Variants in HYI observed in about 807,000 individuals in gnomAD.
The protein encoded by HYI is hydroxypyruvate isomerase (putative), also known as putative hydroxypyruvate isomerase.
HYI carries 47 observed loss-of-function variants against 39.7 expected under a neutral mutation model. The ratio of observed to expected loss-of-function variants is 1.18; its 90% CI spans 0.94 to 1.51. The LOEUF is 1.51. HYI is among the 40% of genes most tolerant of loss of function. The pLI is 0.00. For missense variants in HYI, 465 were observed against 370.3 expected, an observed-to-expected ratio of 1.26 and a Z score of -2.10; for synonymous variants, 186 against 158.8, an observed-to-expected ratio of 1.17 and a Z score of -1.29.
chr1:43,452,344 C>A, intron 2 of HYI, 25 bp from the exon 3 acceptor site: 2 of 1,546,060 alleles, frequency 1.3e-6, no homozygotes, highest in African/African-American at 1.4e-5. Flanking sequence ...GACTGGAGGC[C>A]TTGCCTCCCT....
chr1:43,451,916 G>A lies in HYI; in HGVS notation c.505+19C>T. 6.2e-7 allele frequency: 1 copy of A among 1,613,198 alleles called. No individual in the cohort carries two copies. The highest frequency in any genetic ancestry group is 8.5e-7 in the Non-Finnish European group (1 of 1,179,248). On this transcript the variant is annotated intron_variant, in intron 4 of 7. Transcript: ENST00000372430. ...AGGAATCAAAAGGGACAGAAGGAGA[G>A]ACAGGGCTGGGGTCGTACCCTGCTG...
rs547472975 is a variant in HYI at position 43,453,713 on chromosome 1, C to T, written c.81G>A (p.Ala27=). Residue 27 remains alanine, a synonymous_variant, in exon 1 of 8, where the codon GCG becomes GCA. Transcript: ENST00000372430. ...CGACGGCCTCGAAGCCCGAGCTGCC[C>T]GCGGCCCGCACCCGCGCGGGGAGGC... ...LSGLPARVRA[A]GSSGFEAVEV... The T allele has an allele frequency of 3.2e-5, 45 of 1,406,958 alleles. No homozygotes were observed. Among genetic ancestry groups the T allele is most frequent in the Non-Finnish European group, 4.1e-5 (45 of 1,090,962 alleles). The allele number at this position is 1,406,958 out of a possible 1,614,324, so 87.2% of individuals were successfully genotyped here. A position where few individuals can be genotyped will look rare whatever the true frequency, so the allele number is the denominator to read the frequency against.
chr1:43,452,502 C>T, intron 2 of HYI, 183 bp from the exon 3 acceptor site: 2 of 686,922 alleles, frequency 2.9e-6, no homozygotes, highest in Non-Finnish European at 5.4e-6. Flanking sequence ...GGGGCAAGCC[C>T]TTTCCCAGAC....
Position 43,453,722 on chromosome 1 carries a change from C to G in HYI, c.72G>C (p.Val24=). The change falls in exon 1 of 8, where the codon GTG becomes GTC. Residue 24 remains valine (V), a synonymous_variant. Transcript: ENST00000372430. ...FPELSGLPAR[V]RAAGSSGFEA... ...CGAAGCCCGAGCTGCCCGCGGCCCG[C>G]ACCCGCGCGGGGAGGCCGGAGAGCT... The G allele has an allele frequency of 7.2e-7, 1 of 1,392,648 alleles. No homozygotes were observed. The highest frequency in any genetic ancestry group is 3.7e-5 in the Admixed American group (1 of 26,992). 86.3% of individuals were successfully genotyped at this position (1,392,648 alleles called of 1,614,324 possible).
At position 43,452,032 on chromosome 1, in the gene HYI, C is replaced by A; in HGVS notation, c.427-19G>T. The A allele has an allele frequency of 6.3e-7, 1 of 1,594,824 alleles. No individual in the cohort carries two copies. The highest frequency in any genetic ancestry group is 8.6e-7 in the Non-Finnish European group (1 of 1,168,262). ...GGTCCTCCTAGCAGCATGTCGGGTG[C>A]TGTGAATAGAGCTCCTTCCCAAGTT... On this transcript the variant is annotated intron_variant, in intron 3 of 7. Transcript: ENST00000372430.
intron 3 of HYI, 88 bp downstream of exon 3, chr1:43,452,117 C>T: frequency 1.3e-6 from 2 of 1,493,076 alleles, no homozygotes; most frequent in Non-Finnish European, 1.9e-6. Flanking sequence ...CCTAGGCTGG[C>T]AGCCTCACGT....
At chr1:43,452,895 C>G (rs1279519984) in intron 2 of HYI, 5 of 1,594,858 alleles carry the variant, frequency 3.1e-6, no homozygotes, top group Non-Finnish European at 4.3e-6. Flanking sequence ...TCCCAACAGG[C>G]TACATACATG....
In HYI at chr1:43,451,059, A is replaced by G. The variant is rs763446359; in HGVS notation, c.*179T>C. The G allele has an allele frequency of 1.4e-5, 11 of 795,102 alleles. No individual in the cohort carries two copies. Among genetic ancestry groups the G allele is most frequent in the Admixed American group, 8.6e-5 (5 of 58,254 alleles). 49.3% of individuals were successfully genotyped at this position (795,102 alleles called of 1,614,324 possible). On this transcript the variant is annotated 3_prime_UTR_variant, in exon 8 of 8. Transcript: ENST00000372430. ...CAGAAGCTCTCCCATCTTCACAGCA[A>G]CCCTGGCACTGGCTTCTCAATGGGA...
intron 2 of HYI, chr1:43,452,881 C>G: frequency 6.3e-7 from 1 of 1,582,762 alleles, no homozygotes; most frequent in South Asian, 1.2e-5. Flanking sequence ...TCCAGGCCTC[C>G]CCATCCCAAC....
downstream of HYI, chr1:43,450,722 G>A (rs41270367): frequency 0.033 from 23,383 of 706,078 alleles, 501 homozygotes; most frequent in African/African-American, 0.074. This position sits in a 1 kb window ranked among gnomAD's most constrained non-coding sequence, Gnocchi z 4.3. Flanking sequence ...GGTCAACCCC[G>A]AGGACCCCTT....
Position 43,453,488 on chromosome 1 carries a change from T to G in HYI, c.209A>C (p.Glu70Ala). The change falls in exon 2 of 8, where the codon GAG (glutamate) becomes GCG (alanine). Residue 70 changes from glutamate (E) to alanine (A), a missense_variant. Coordinates refer to ENST00000372430, the MANE Select transcript of HYI (RefSeq NM_001190880.3). ...GGCCCCCAGCCCCATTTCCCCCTTC[T>G]CTTGGTCTCCTGCAGAGAGAACGGG... ...VLINTPPGDQ[E>A]KGEMGLGAVP... 6.4e-7 allele frequency: 1 copy of G among 1,556,076 alleles called. No individual in the cohort carries two copies. The highest frequency in any genetic ancestry group is 1.4e-5 in the African/African-American group (1 of 73,174).
In HYI at chr1:43,453,408, C is replaced by G. The variant is rs1656661407; in HGVS notation, c.289G>C (p.Ala97Pro). The G allele has an allele frequency of 1.3e-6, 2 of 1,556,894 alleles. No homozygotes were observed. Among genetic ancestry groups the G allele is most frequent in the Admixed American group, 1.9e-5 (1 of 52,948 alleles). The change falls in exon 2 of 8, where the codon GCC becomes CCC. Residue 97 changes from alanine to proline, a missense_variant. Coordinates refer to ENST00000372430, the MANE Select transcript of HYI (RefSeq NM_001190880.3). ...REGLEQAVRY[A>P]KALGCPRIHL... The stretch of plus-strand genomic sequence containing the variant: ...TACCTGGGACAGCCCAGGGCTTTGG[C>G]ATACCGCACGGCCTGCTCCAGTCCC...
chr1:43,451,650 A>C lies in HYI; in HGVS notation c.623T>G (p.Val208Gly), dbSNP rs746943963. ...AGGGCAAAGGAAGGTCCTCTCACCA[A>C]CAATGGGCAGGAACTCCCGGATGTT... is the stretch of plus-strand genomic sequence containing the variant. Reference protein sequence around the residue: ...TGNIREFLPIVGHVQVAQVPG... With the variant: ...TGNIREFLPIGGHVQVAQVPG... The change falls in exon 6 of 8, where the codon GTT (valine) becomes GGT (glycine). Residue 208 changes from valine to glycine, a missense_variant and splice_region_variant. Coordinates refer to ENST00000372430, the MANE Select transcript of HYI (RefSeq NM_001190880.3). 6 of 1,614,188 alleles carry C rather than the reference A, an allele frequency of 3.7e-6. No individual in the cohort carries two copies. The Admixed American group carries it at 1.0e-4, about 27-fold the overall frequency.
In HYI at chr1:43,451,302, A is replaced by C. The variant is rs765396596; in HGVS notation, c.770T>G (p.Val257Gly). The C allele has an allele frequency of 6.2e-7, 1 of 1,613,850 alleles. No individual in the cohort carries two copies. Among genetic ancestry groups the C allele is most frequent in the Non-Finnish European group, 8.5e-7 (1 of 1,180,006 alleles). Residue 257 changes from valine to glycine, a missense_variant, in exon 8 of 8, where the codon GTA (valine) becomes GGA (glycine). Val to Gly is a moderately radical substitution (Grantham distance 109, BLOSUM62 -3). Transcript: ENST00000372430. ...TGAACGTAGCCAACTCAAGCCCTCT[A>C]CTGTGTCTCCTGCAGGGAGAGGGAG... ...GCEYQPRGDTVEGLSWLRSYW... is the reference protein window; with the variant it reads ...GCEYQPRGDTGEGLSWLRSYW...
At position 43,453,865 on chromosome 1, in the gene HYI, C is replaced by T; in HGVS notation, c.-72G>A. ...CGGGCGGCGGGCGGCGGGCGGCGGGCGGGGGCGGGGCTCTCCTTGCTGGCC... is the reference window on the plus strand; with the variant it reads ...CGGGCGGCGGGCGGCGGGCGGCGGGTGGGGGCGGGGCTCTCCTTGCTGGCC... On this transcript the variant is annotated 5_prime_UTR_variant, in exon 1 of 8. Coordinates refer to ENST00000372430, the MANE Select transcript of HYI (RefSeq NM_001190880.3). 2 of 888,254 alleles carry T rather than the reference C, an allele frequency of 2.3e-6. No homozygotes were observed. The highest frequency in any genetic ancestry group is 2.9e-6 in the Non-Finnish European group (2 of 684,766). 55.0% of individuals were successfully genotyped at this position (888,254 alleles called of 1,614,324 possible).
At position 43,453,712 on chromosome 1, in the gene HYI, C is replaced by CCG. The variant is rs994440401; in HGVS notation, c.80_81dup (p.Gly28ArgfsTer35). ...TCGACGGCCTCGAAGCCCGAGCTGC[C>CCG]CGCGGCCCGCACCCGCGCGGGGAGG... On this transcript the variant is annotated frameshift_variant, in exon 1 of 8. Transcript: ENST00000372430. LOFTEE classifies it high-confidence loss of function. 3 of 1,407,102 alleles carry CCG rather than the reference C, an allele frequency of 2.1e-6. No homozygotes were observed. The African/African-American group carries it at 4.5e-5, about 21-fold the overall frequency. 87.2% of individuals were successfully genotyped at this position (1,407,102 alleles called of 1,614,324 possible).
rs1227318981 is a variant in HYI, at chr1:43,453,482, C to G, written c.215G>C (p.Gly72Ala). The change falls in exon 2 of 8, where the codon GGG becomes GCG. Residue 72 changes from glycine to alanine, a missense_variant. Coordinates refer to ENST00000372430, the MANE Select transcript of HYI (RefSeq NM_001190880.3). Reference sequence around the variant, plus strand: ...GGGGACGGCCCCCAGCCCCATTTCCCCCTTCTCTTGGTCTCCTGCAGAGAG... The same window carrying G: ...GGGGACGGCCCCCAGCCCCATTTCCGCCTTCTCTTGGTCTCCTGCAGAGAG... ...INTPPGDQEKGEMGLGAVPGR... is the reference protein window; with the variant it reads ...INTPPGDQEKAEMGLGAVPGR... 1 of 1,558,644 alleles carries G rather than the reference C, an allele frequency of 6.4e-7. No homozygotes were observed. Among genetic ancestry groups the G allele is most frequent in the African/African-American group, 1.4e-5 (1 of 73,202 alleles).
At chr1:43,452,383 C>A (rs1395335432) in intron 2 of HYI, 64 bp from the exon 3 acceptor site, 1 of 1,328,760 alleles carries the variant, frequency 7.5e-7, no homozygotes, top group Non-Finnish European at 1.1e-6. Context: ...TTCCAGGATT[C>A]CCTGACTGTG....
At position 43,453,739 on chromosome 1, in the gene HYI, C is replaced by T. The variant is rs759823461; in HGVS notation, c.55G>A (p.Gly19Ser). The change falls in exon 1 of 8, where the codon GGC becomes AGC. Residue 19 changes from glycine to serine, a missense_variant. Coordinates refer to ENST00000372430, the MANE Select transcript of HYI (RefSeq NM_001190880.3). ...NLSWLFPELS[G>S]LPARVRAAGS... ...GCGGCCCGCACCCGCGCGGGGAGGCCGGAGAGCTCGGGGAATAGCCAGGAC... is the reference window on the plus strand; with the variant it reads ...GCGGCCCGCACCCGCGCGGGGAGGCTGGAGAGCTCGGGGAATAGCCAGGAC... The T allele has an allele frequency of 1.4e-6, 2 of 1,385,966 alleles. No individual in the cohort carries two copies. The highest frequency in any genetic ancestry group is 3.8e-5 in the Admixed American group (1 of 26,590). The allele number at this position is 1,385,966 out of a possible 1,614,324, so 85.9% of individuals were successfully genotyped here.
Sources: gnomAD v4.1 joint callset for allele counts on GRCh38, gnomAD v4.1.1 for gene constraint, Gnocchi (gnomAD v3.1) non-coding constraint, MANE v1.5 for transcripts, NCBI Gene and HGNC (gene_info 2026-07-23, HGNC 2026-07-21) for gene names.